Variants in SRGAP3 observed in about 807,000 individuals in gnomAD.
SRGAP3 encodes SLIT-ROBO Rho GTPase activating protein 3, also known as SLIT-ROBO Rho GTPase-activating protein 3.
A neutral mutation model predicts 121.1 loss-of-function variants in SRGAP3; 39 were observed. That is an observed-to-expected ratio of 0.32 (90% CI 0.25 to 0.42). The LOEUF (loss-of-function observed/expected upper bound fraction) is 0.42, where lower values mean the gene tolerates loss of function less well. Ranked by LOEUF, SRGAP3 falls within the 10% of genes least tolerant of loss-of-function variation. The probability of loss-of-function intolerance (pLI) is 1.00; values close to 1 mark genes in which losing one functional copy is unlikely to be tolerated. For missense variants in SRGAP3, 1,213 were observed against 1,470.6 expected (o/e 0.82, Z 2.86); for synonymous variants, 601 against 570.0 (o/e 1.05, Z -0.77).
chr3:9,300,487 G>A (rs1955037936), intron 3 of SRGAP3, among the ~76,000 whole-genome samples: 1 of 151,920 alleles, frequency 6.6e-6, no homozygotes, highest in Non-Finnish European at 1.5e-5. Flanking sequence ...TGTCTCTGTG[G>A]AGAGGCTTCC....
At chr3:9,192,249 G>A (rs951000942) in intron 1 of SRGAP3, among the ~76,000 whole-genome samples, 10 of 152,204 alleles carry the variant, frequency 6.6e-5, no homozygotes, top group Non-Finnish European at 1.2e-4. Flanking sequence ...GTGCCTGATG[G>A]AATAGAGTAT....
chr3:9,115,914 T>C (rs1200006552), intron 2 of SRGAP3, among the ~76,000 whole-genome samples: 3 of 152,188 alleles, frequency 2.0e-5, no homozygotes, highest in African/African-American at 7.2e-5. Flanking sequence ...CCAAACAGTA[T>C]ATTCAATCTT....
At chr3:9,344,163 T>C (rs543478107) in intron 1 of SRGAP3, among the ~76,000 whole-genome samples, 133 of 151,408 alleles carry the variant, frequency 8.8e-4, no homozygotes, top group African/African-American at 3.1e-3. Flanking sequence ...CTACTAAAAA[T>C]ACAAAAATTG....
chr3:9,354,958 C>A (rs1268398149), intron 1 of SRGAP3, among the ~76,000 whole-genome samples: 1 of 152,174 alleles, frequency 6.6e-6, no homozygotes, highest in African/African-American at 2.4e-5. Flanking sequence ...TCAATATTTT[C>A]CAAGGAGGTC....
chr3:9,224,408 C>G (rs1952918890), intron 1 of SRGAP3, among the ~76,000 whole-genome samples: 2 of 152,232 alleles, frequency 1.3e-5, no homozygotes, highest in African/African-American at 2.4e-5. Context: ...CTCCTCCACC[C>G]TGCACACTTA....
chr3:9,213,353 C>T (rs746292440), intron 1 of SRGAP3, among the ~76,000 whole-genome samples: 52 of 152,206 alleles, frequency 3.4e-4, no homozygotes, highest in Middle Eastern at 3.4e-3. Flanking sequence ...CAACATTTGC[C>T]CCTGCCCACT....
intron 1 of SRGAP3, among the ~76,000 whole-genome samples, chr3:9,132,991 A>G (rs1342563384): frequency 6.7e-6 from 1 of 150,014 alleles, no homozygotes; most frequent in Non-Finnish European, 1.5e-5. Context: ...AAATAATGGC[A>G]TATATATAAA....
In SRGAP3 at chr3:8,984,238, G is replaced by A. The variant is rs1455733256; in HGVS notation, c.*1281C>T. On this transcript the variant is annotated 3_prime_UTR_variant, in exon 22 of 22. Coordinates refer to ENST00000383836, the MANE Select transcript of SRGAP3 (RefSeq NM_014850.4). ...CACTTGTATTAACTCAACTGACAGT[G>A]TCCTCTAGGACAGAAAGTGCCAAGG... 4 of 229,772 alleles carry A rather than the reference G, an allele frequency of 1.7e-5. No individual in the cohort carries two copies. Among genetic ancestry groups the A allele is most frequent in the African/African-American group, 6.6e-5 (3 of 45,154 alleles). The allele number at this position is 229,772 out of a possible 1,614,324, so 14.2% of individuals were successfully genotyped here. A position where few individuals can be genotyped will look rare whatever the true frequency, so the allele number is the denominator to read the frequency against.
At chr3:9,110,561 G>C (rs1294544698) in intron 2 of SRGAP3, among the ~76,000 whole-genome samples, 1 of 152,214 alleles carries the variant, frequency 6.6e-6, no homozygotes, top group Non-Finnish European at 1.5e-5. Context: ...CTCCCCTCCT[G>C]CTTCCCTAAA....
chr3:9,106,625 G>T (rs1164960897), intron 2 of SRGAP3, among the ~76,000 whole-genome samples: 2 of 152,120 alleles, frequency 1.3e-5, no homozygotes, highest in African/African-American at 4.8e-5. Flanking sequence ...TAGTGAATAC[G>T]TTTCATAAGA....
intron 3 of SRGAP3, among the ~76,000 whole-genome samples, chr3:9,093,405 C>T (rs1947834822): frequency 6.6e-6 from 1 of 152,168 alleles, no homozygotes; most frequent in Non-Finnish European, 1.5e-5. Flanking sequence ...ACCCACCCAT[C>T]CATTTATCCA....
At chr3:9,182,586 G>C (rs1951448963) in intron 1 of SRGAP3, among the ~76,000 whole-genome samples, 1 of 152,146 alleles carries the variant, frequency 6.6e-6, no homozygotes, top group Non-Finnish European at 1.5e-5. Flanking sequence ...CCCAGTTTTT[G>C]ATGCTGTGTT....
At chr3:9,288,130 G>GTTTTTTTTTTTTTTTTT (rs57076828) in intron 3 of SRGAP3, among the ~76,000 whole-genome samples, 7 of 119,098 alleles carry the variant, frequency 5.9e-5, no homozygotes, top group Non-Finnish European at 1.2e-4. Flanking sequence ...TTCTATCTTT[G>GTTTTTTTTTTTTTTTTT]TTTTTTTTTT....
chr3:9,201,509 T>C (rs1045836378), intron 1 of SRGAP3, among the ~76,000 whole-genome samples: 2 of 152,234 alleles, frequency 1.3e-5, no homozygotes, highest in African/African-American at 2.4e-5. Context: ...GTCCCCGCCC[T>C]GTGTGCCTCT....
intron 1 of SRGAP3, among the ~76,000 whole-genome samples, chr3:9,344,214 G>C (rs574430951): frequency 6.6e-6 from 1 of 152,294 alleles, no homozygotes; most frequent in South Asian, 2.1e-4. Context: ...CAGAACTTTG[G>C]GAGGCCGAGG....
In SRGAP3 at chr3:9,248,867, T is replaced by TC; in HGVS notation, c.67+17dup. ...CGAAAGGGGAGGAGAAGGAAAACTC[T>TC]CCCAGCCCGCATCTCACCTTTTATT... On this transcript the variant is annotated intron_variant, in intron 1 of 21. Transcript: ENST00000383836. The TC allele has an allele frequency of 6.2e-7, 1 of 1,613,872 alleles. No homozygotes were observed. Among genetic ancestry groups the TC allele is most frequent in the Non-Finnish European group, 8.5e-7 (1 of 1,179,746 alleles).
At chr3:9,210,481 T>G (rs1952412396) in intron 1 of SRGAP3, among the ~76,000 whole-genome samples, 1 of 152,244 alleles carries the variant, frequency 6.6e-6, no homozygotes, top group South Asian at 2.1e-4. Context: ...AGTGAGACTC[T>G]GTCTCTAACA....
At chr3:9,348,282 T>C (rs376959889) in intron 1 of SRGAP3, among the ~76,000 whole-genome samples, 5 of 152,128 alleles carry the variant, frequency 3.3e-5, no homozygotes, top group Admixed American at 2.0e-4. Context: ...GCAGAGAATA[T>C]GCAATGACTA....
In SRGAP3 at chr3:9,047,418, C is replaced by A; in HGVS notation, c.1381G>T (p.Asp461Tyr). 2 of 1,614,190 alleles carry A rather than the reference C, an allele frequency of 1.2e-6. No homozygotes were observed. Among genetic ancestry groups the A allele is most frequent in the Admixed American group, 1.7e-5 (1 of 60,030 alleles). ...TCGCCCAGGGTCTGCTTGAGTAAAT[C>A]GTGCTTGGCCTGCAGCTTGGTGATG... is the stretch of plus-strand genomic sequence containing the variant. ...NLITKLQAKH[D>Y]LLKQTLGEGE... is the part of the protein sequence containing the mutation. The change falls in exon 10 of 22, where the codon GAT becomes TAT. Residue 461 changes from aspartate (D) to tyrosine (Y), a missense_variant. Physicochemically the swap from Asp to Tyr is radical, Grantham distance 160. This residue lies in a region of SRGAP3 where 793 missense variants were observed against 1,032.9 expected (regional missense o/e 0.77). Transcript: ENST00000383836.
Sources: allele counts gnomAD v4.1 joint callset (sites outside exome capture counted in the v4.1 genomes callset), GRCh38; gene constraint gnomAD v4.1.1; regional missense constraint gnomAD v4.1.1; transcripts MANE v1.5; gene names NCBI Gene and HGNC (gene_info 2026-07-23, HGNC 2026-07-21).